PAQR5: variants seen among roughly 807,000 people sequenced by gnomAD.
The protein encoded by PAQR5 is membrane progestin receptor gamma.
A neutral mutation model predicts 34.5 loss-of-function variants in PAQR5; 20 were observed. The ratio of observed to expected loss-of-function variants is 0.58; its 90% confidence interval spans 0.41 to 0.84. The LOEUF (loss-of-function observed/expected upper bound fraction) is 0.84. Among genes scored for constraint, PAQR5 ranks in the 40% least tolerant of loss-of-function variants. PAQR5 has a pLI of 0.00. For synonymous variants in PAQR5, 131 were observed against 155.6 expected, an observed-to-expected ratio of 0.84 and a Z score of 1.18; for missense variants, 378 against 412.7, an observed-to-expected ratio of 0.92 and a Z score of 0.73.
At chr15:69,388,931 C>A (rs2056183481) in intron 5 of PAQR5, among the ~76,000 whole-genome samples, 1 of 152,250 alleles carries the variant, frequency 6.6e-6, no homozygotes, top group African/African-American at 2.4e-5. Context: ...CCAGCTGAAG[C>A]ACACCTGGCC....
At chr15:69,392,087 G>A in intron 6 of PAQR5, 1 of 237,586 alleles carries the variant, frequency 4.2e-6, no homozygotes, top group South Asian at 4.5e-5. Flanking sequence ...GATCCAAGAT[G>A]GCTTCCCCAT....
rs549593706 is a variant in PAQR5 at position 69,370,733 on chromosome 15, A to C, written c.52-9150A>C. On this transcript the variant is annotated intron_variant, in intron 3 of 8. Coordinates refer to ENST00000395407, the MANE Select transcript of PAQR5 (RefSeq NM_017705.4). Reference sequence around the variant, plus strand: ...GCAGAGTTTCACCGTGTTAGCCAGGATGGTCTCAATCTCCTGACCTCAGGT... The same window carrying C: ...GCAGAGTTTCACCGTGTTAGCCAGGCTGGTCTCAATCTCCTGACCTCAGGT... Among the ~76,000 whole-genome samples, 8 of 152,238 alleles carry C rather than the reference A, an allele frequency of 5.3e-5. No homozygotes were observed. The South Asian group carries it at 1.7e-3, about 32-fold the overall frequency.
chr15:69,353,087 A>T (rs563885630), intron 2 of PAQR5, among the ~76,000 whole-genome samples: 2 of 152,208 alleles, frequency 1.3e-5, no homozygotes, highest in Non-Finnish European at 2.9e-5. Flanking sequence ...GATGGAGGTT[A>T]TGCACTGGCT....
rs200503422 is a variant in PAQR5 at position 69,300,958 on chromosome 15, T to C, written c.-277+1902T>C. Among the ~76,000 whole-genome samples, 8 of 42,766 alleles carry C rather than the reference T, an allele frequency of 1.9e-4. 1 individual carries two copies. The highest frequency in any genetic ancestry group is 4.2e-4 in the Admixed American group (1 of 2,376). 28.1% of individuals were successfully genotyped at this position (42,766 alleles called of 152,430 possible). On this transcript the variant is annotated intron_variant, in intron 1 of 8. Transcript: ENST00000395407. Reference sequence around the variant, plus strand: ...CTCTCTCTTTCTTTCCTTCTTTCTTTCTTTCTTTCTTTCTTTCTTTCTTTC... The same window carrying C: ...CTCTCTCTTTCTTTCCTTCTTTCTTCCTTTCTTTCTTTCTTTCTTTCTTTC...
At chr15:69,362,014 T>C (rs2055247783) in intron 3 of PAQR5, among the ~76,000 whole-genome samples, 1 of 152,066 alleles carries the variant, frequency 6.6e-6, no homozygotes, top group Non-Finnish European at 1.5e-5. Context: ...TGCTTAGATA[T>C]CTTTCTGGAC....
intron 3 of PAQR5, among the ~76,000 whole-genome samples, chr15:69,374,425 C>T (rs2055648199): frequency 6.6e-6 from 1 of 152,142 alleles, no homozygotes; most frequent in Admixed American, 6.5e-5. Context: ...TCTGTAATCC[C>T]AGCATTTTGG....
Position 69,305,961 on chromosome 15 carries a change from T to A in PAQR5, c.-277+6905T>A, listed in dbSNP as rs997425193. Among the ~76,000 whole-genome samples, 3 of 152,178 alleles carry A rather than the reference T, an allele frequency of 2.0e-5. No homozygotes were observed. The East Asian group carries it at 5.8e-4, about 29-fold the overall frequency. ...CAGACTGTGAGGTTTGGGATAGTACTAACCCAGACCTATTGCTCTGGGGGA... is the reference window on the plus strand; with the variant it reads ...CAGACTGTGAGGTTTGGGATAGTACAAACCCAGACCTATTGCTCTGGGGGA... On this transcript the variant is annotated intron_variant, in intron 1 of 8. Coordinates refer to ENST00000395407, the MANE Select transcript of PAQR5 (RefSeq NM_017705.4).
At chr15:69,386,709 C>G (rs2056120195) in intron 5 of PAQR5, among the ~76,000 whole-genome samples, 1 of 151,796 alleles carries the variant, frequency 6.6e-6, no homozygotes, top group South Asian at 2.1e-4. Context: ...GACCTCTCCT[C>G]TCACACGATC....
At chr15:69,341,912 A>AGT (rs1255659275) in intron 2 of PAQR5, among the ~76,000 whole-genome samples, 26 of 138,144 alleles carry the variant, frequency 1.9e-4, no homozygotes, top group Non-Finnish European at 4.0e-4. Context: ...TGGACAACAG[A>AGT]GTGAGACCCT....
intron 1 of PAQR5, among the ~76,000 whole-genome samples, chr15:69,305,518 C>T (rs965873936): frequency 2.0e-5 from 3 of 151,684 alleles, no homozygotes; most frequent in Non-Finnish European, 2.9e-5. Context: ...GTGGGTGGGG[C>T]GAGGCTCGGA....
intron 8 of PAQR5, 119 bp from the exon 9 acceptor site, chr15:69,403,462 A>G (rs891030471): frequency 2.0e-5 from 17 of 859,872 alleles, no homozygotes; most frequent in Non-Finnish European, 2.8e-5. Context: ...TTTATATAAT[A>G]TGTGGTCTCC....
At chr15:69,379,062 G>C (rs1438278612) in intron 3 of PAQR5, among the ~76,000 whole-genome samples, 4 of 152,136 alleles carry the variant, frequency 2.6e-5, no homozygotes, top group Admixed American at 2.6e-4. Flanking sequence ...CCCAGCCTCT[G>C]CCCCATGGTG....
rs772232613 is a variant in PAQR5, at chr15:69,404,272, TGGGAG to T, written c.*452_*456del. ...TCGGAGAATGAGCCAGGTCAGTCAC[TGGGAG>T]GACCTGTGAAAGAAAGTTGGTCACT... On this transcript the variant is annotated 3_prime_UTR_variant, in exon 9 of 9. Coordinates refer to ENST00000395407, the MANE Select transcript of PAQR5 (RefSeq NM_017705.4). 22 of 164,452 alleles carry T rather than the reference TGGGAG, an allele frequency of 1.3e-4. No individual in the cohort carries two copies. The highest frequency in any genetic ancestry group is 2.5e-4 in the Non-Finnish European group (19 of 76,452). The allele number at this position is 164,452 out of a possible 1,614,324, so 10.2% of individuals were successfully genotyped here.
At chr15:69,350,747 A>C (rs2054896543) in intron 2 of PAQR5, among the ~76,000 whole-genome samples, 1 of 152,170 alleles carries the variant, frequency 6.6e-6, no homozygotes, top group Non-Finnish European at 1.5e-5. Context: ...ATCAATTCCC[A>C]GACATGAGCC....
chr15:69,350,816 GA>G (rs1686806335), intron 2 of PAQR5, among the ~76,000 whole-genome samples: 1 of 152,074 alleles, frequency 6.6e-6, no homozygotes, highest in South Asian at 2.1e-4. Flanking sequence ...CAGGGAGGGG[GA>G]CACTACTGAA....
At chr15:69,390,039 A>G (rs894689771) in intron 6 of PAQR5, among the ~76,000 whole-genome samples, 2 of 152,174 alleles carry the variant, frequency 1.3e-5, no homozygotes, top group Non-Finnish European at 1.5e-5. Context: ...GTTTTGAGAC[A>G]AAGTCTCACT....
At chr15:69,304,209 G>T (rs1315841603) in intron 1 of PAQR5, among the ~76,000 whole-genome samples, 1 of 152,144 alleles carries the variant, frequency 6.6e-6, no homozygotes, top group Non-Finnish European at 1.5e-5. Flanking sequence ...TCCTGAAGAG[G>T]GTGAGGCCCT....
chr15:69,300,914 TTTCTCTCTCTCTCTCTCTCTCTC>T (rs1595819367), intron 1 of PAQR5, among the ~76,000 whole-genome samples: 2 of 14,704 alleles, frequency 1.4e-4, no homozygotes, highest in Non-Finnish European at 5.5e-4. Context: ...CCTTCCTTCC[TTTCTCTCTCTCTCTCTCTCTCTC>T]TCTTTCTTTC....
intron 3 of PAQR5, 119 bp downstream of exon 3, chr15:69,360,250 A>T: frequency 1.6e-6 from 1 of 632,430 alleles, no homozygotes; most frequent in Non-Finnish European, 2.8e-6. Context: ...CCCTTCAAGG[A>T]CCCCTTCCCA....
Sources: gnomAD v4.1 joint callset for allele counts (sites outside exome capture counted in the v4.1 genomes callset) on GRCh38, gnomAD v4.1.1 for gene constraint, MANE v1.5 for transcripts, NCBI Gene and HGNC (gene_info 2026-07-23, HGNC 2026-07-21) for gene names.